Variants in NABP2 observed in about 807,000 individuals in gnomAD.
The protein encoded by NABP2 is nucleic acid binding protein 2.
In NABP2, 7 loss-of-function variants were observed where a neutral mutation model predicts 22.7. That is an observed-to-expected ratio of 0.31 (90% CI 0.18 to 0.58). The LOEUF is 0.58. Among genes scored for constraint, NABP2 ranks in the 20% least tolerant of loss-of-function variants. NABP2 has a pLI of 0.89. For missense variants in NABP2, 188 were observed against 265.9 expected (o/e 0.71, Z 2.04); for synonymous variants, 107 against 99.2 (o/e 1.08, Z -0.47).
rs1031854421 is a variant in NABP2 at position 56,224,426 on chromosome 12, C to G, written c.-39C>G. 6 of 1,027,098 alleles carry G rather than the reference C, an allele frequency of 5.8e-6. No homozygotes were observed. Among genetic ancestry groups the G allele is most frequent in the Non-Finnish European group, 7.1e-6 (6 of 850,504 alleles). 63.6% of individuals were successfully genotyped at this position (1,027,098 alleles called of 1,614,324 possible). On this transcript the variant is annotated 5_prime_UTR_variant, in exon 1 of 7. Transcript: ENST00000267023. ...GGGCTGCTCAGCGGCGTGCACAGTCCTGCCGGCTGGCTTGGGTGGGTGGTG... is the reference window on the plus strand; with the variant it reads ...GGGCTGCTCAGCGGCGTGCACAGTCGTGCCGGCTGGCTTGGGTGGGTGGTG...
chr12:56,229,087 T>TGGGGGGGC lies in NABP2; in HGVS notation c.510_511insGGGGGGGC (p.Pro171GlyfsTer65). The TGGGGGGGC allele has an allele frequency of 6.6e-7, 1 of 1,512,346 alleles. No homozygotes were observed. The highest frequency in any genetic ancestry group is 9.1e-7 in the Non-Finnish European group (1 of 1,102,014). 93.7% of individuals were successfully genotyped at this position (1,512,346 alleles called of 1,614,324 possible). On this transcript the variant is annotated frameshift_variant, in exon 7 of 7. Coordinates refer to ENST00000267023, the MANE Select transcript of NABP2 (RefSeq NM_024068.4). LOFTEE classifies it high-confidence loss of function. ...GTGGTGGCCCACATCCCCCTCATAC[T>TGGGGGGGC]CCCTCCCACCCACCCAGCACCCGAA...
chr12:56,225,780 C>T, intron 4 of NABP2, 85 bp downstream of exon 4: 1 of 1,337,972 alleles, frequency 7.5e-7, no homozygotes, highest in Non-Finnish European at 1.1e-6. Context: ...GCAGTCCAAG[C>T]CTCATTTCTG....
At position 56,226,210 on chromosome 12, in the gene NABP2, T is replaced by A; in HGVS notation, c.322T>A (p.Phe108Ile). 1.9e-6 allele frequency: 3 copies of A among 1,614,110 alleles called. No homozygotes were observed. The East Asian group carries it at 6.7e-5, about 36-fold the overall frequency. Residue 108 changes from phenylalanine to isoleucine, a missense_variant, in exon 5 of 7, where the codon TTC (phenylalanine) becomes ATC (isoleucine). Physicochemically the swap from Phe to Ile is conservative, Grantham distance 21. Coordinates refer to ENST00000267023, the MANE Select transcript of NABP2 (RefSeq NM_024068.4). ...TATGGTTTATTCTGAGGTTCCTAAC[T>A]TCAGTGAGCCAAACCCAGAGTACAG... is the stretch of plus-strand genomic sequence containing the variant. ...FCMVYSEVPN[F>I]SEPNPEYSTQ...
At position 56,224,580 on chromosome 12, in the gene NABP2, G is replaced by T. The variant is rs1014236592; in HGVS notation, c.-24+139G>T. 6.5e-6 allele frequency: 8 copies of T among 1,222,692 alleles called. No individual in the cohort carries two copies. The African/African-American group carries it at 1.2e-4, about 18-fold the overall frequency. 75.7% of individuals were successfully genotyped at this position (1,222,692 alleles called of 1,614,324 possible). A position where few individuals can be genotyped will look rare whatever the true frequency, so the allele number is the denominator to read the frequency against. On this transcript the variant is annotated intron_variant, in intron 1 of 6. Transcript: ENST00000267023. ...CCCTACCCCTGTCTACGTCGGCTCC[G>T]CCACTTCGCGGCTTGAGACTAAAAG...
In NABP2 at chr12:56,229,109, C is replaced by A. The variant is rs750823539; in HGVS notation, c.532C>A (p.Arg178=). ...PHTPSHPPST[R]ITRSQPNHTP... ...TACTCCCTCCCACCCACCCAGCACCCGAATCACTCGAAGCCAGCCCAACCA... is the reference window on the plus strand; with the variant it reads ...TACTCCCTCCCACCCACCCAGCACCAGAATCACTCGAAGCCAGCCCAACCA... Residue 178 remains arginine, a synonymous_variant, in exon 7 of 7, where the codon CGA becomes AGA. Transcript: ENST00000267023. 1.9e-6 allele frequency: 3 copies of A among 1,610,154 alleles called. No homozygotes were observed. The highest frequency in any genetic ancestry group is 1.4e-5 in the African/African-American group (1 of 74,004).
chr12:56,225,728 G>C, intron 4 of NABP2, 33 bp downstream of exon 4: 1 of 1,610,232 alleles, frequency 6.2e-7, no homozygotes, highest in Non-Finnish European at 8.5e-7. Flanking sequence ...GGATGAAGAA[G>C]CACCAGGGCA....
intron 6 of NABP2, among the ~76,000 whole-genome samples, chr12:56,227,595 A>T (rs1340393815): frequency 3.9e-5 from 6 of 152,214 alleles, no homozygotes; most frequent in Non-Finnish European, 8.8e-5. Context: ...GTTCAATGAC[A>T]GTGGTATGTC....
upstream of NABP2, chr12:56,224,217 C>A: frequency 3.4e-6 from 2 of 584,096 alleles, no homozygotes; most frequent in Non-Finnish European, 4.3e-6. Flanking sequence ...AAATTCGCCC[C>A]CTTCGCGGCG....
At chr12:56,226,549 C>T in intron 6 of NABP2, 130 bp downstream of exon 6, 1 of 690,762 alleles carries the variant, frequency 1.4e-6, no homozygotes, top group Non-Finnish European at 2.4e-6. Flanking sequence ...CCCAATTCTC[C>T]CAGACCCCTT....
intron 1 of NABP2, 111 bp downstream of exon 1, chr12:56,224,552 G>A (rs779276258): frequency 2.1e-5 from 26 of 1,209,538 alleles, no homozygotes; most frequent in Non-Finnish European, 2.0e-5. Context: ...TGTGCACCGG[G>A]TTCCCTACCC....
Position 56,229,087 on chromosome 12 carries a change from T to TGCCCAACC in NABP2, c.510_511insGCCCAACC (p.Pro171AlafsTer65). 6.6e-7 allele frequency: 1 copy of TGCCCAACC among 1,512,346 alleles called. No individual in the cohort carries two copies. The highest frequency in any genetic ancestry group is 9.1e-7 in the Non-Finnish European group (1 of 1,102,014). The allele number at this position is 1,512,346 out of a possible 1,614,324, so 93.7% of individuals were successfully genotyped here. A position where few individuals can be genotyped will look rare whatever the true frequency, so the allele number is the denominator to read the frequency against. ...GTGGTGGCCCACATCCCCCTCATAC[T>TGCCCAACC]CCCTCCCACCCACCCAGCACCCGAA... On this transcript the variant is annotated frameshift_variant, in exon 7 of 7. Coordinates refer to ENST00000267023, the MANE Select transcript of NABP2 (RefSeq NM_024068.4). LOFTEE classifies it high-confidence loss of function.
upstream of NABP2, among the ~76,000 whole-genome samples, chr12:56,222,715 C>T (rs1211084875): frequency 6.6e-6 from 1 of 152,186 alleles, no homozygotes; most frequent in Non-Finnish European, 1.5e-5. Context: ...CACATGACTT[C>T]CTAGACTAAT....
chr12:56,226,482 G>C, intron 6 of NABP2, 63 bp downstream of exon 6: 2 of 1,363,186 alleles, frequency 1.5e-6, no homozygotes, highest in Non-Finnish European at 1.0e-6. Flanking sequence ...AGCCTAGAAA[G>C]ATGCATTTCC....
At chr12:56,226,648 C>T (rs892591082) in intron 6 of NABP2, among the ~76,000 whole-genome samples, 1 of 143,714 alleles carries the variant, frequency 7.0e-6, no homozygotes, top group Non-Finnish European at 1.5e-5. Context: ...TCACTGCAAC[C>T]TCCGCCTCCC....
chr12:56,229,087 T>TTGGGCGCCC lies in NABP2; in HGVS notation c.510_511insTGGGCGCCC (p.Thr170_Pro171insTrpAlaPro). The TTGGGCGCCC allele has an allele frequency of 6.6e-7, 1 of 1,512,344 alleles. No individual in the cohort carries two copies. The highest frequency in any genetic ancestry group is 9.1e-7 in the Non-Finnish European group (1 of 1,102,012). 93.7% of individuals were successfully genotyped at this position (1,512,344 alleles called of 1,614,324 possible). On this transcript the variant is annotated inframe_insertion, in exon 7 of 7. Coordinates refer to ENST00000267023, the MANE Select transcript of NABP2 (RefSeq NM_024068.4). Reference sequence around the variant, plus strand: ...GTGGTGGCCCACATCCCCCTCATACTCCCTCCCACCCACCCAGCACCCGAA... The same window carrying TTGGGCGCCC: ...GTGGTGGCCCACATCCCCCTCATACTTGGGCGCCCCCCTCCCACCCACCCAGCACCCGAA...
upstream of NABP2, among the ~76,000 whole-genome samples, chr12:56,223,997 A>C (rs901348117): frequency 6.6e-6 from 1 of 152,202 alleles, no homozygotes; most frequent in African/African-American, 2.4e-5. Flanking sequence ...AAATGAAGTG[A>C]AGCATTGAGC....
At position 56,224,846 on chromosome 12, in the gene NABP2, G is replaced by A. The variant is rs1272124160; in HGVS notation, c.-11G>A. On this transcript the variant is annotated 5_prime_UTR_variant, in exon 2 of 7. Transcript: ENST00000267023. ...ATTCCCCATCCAGTGGGGTGCCGAG[G>A]CTCAGGCAGCATGACGACGGAGACC... is the stretch of plus-strand genomic sequence containing the variant. 2.5e-6 allele frequency: 4 copies of A among 1,613,404 alleles called. No homozygotes were observed. In the South Asian group the frequency reaches 4.4e-5, roughly 18 times the overall value.
chr12:56,229,087 T>TGCCCGCCCCCC lies in NABP2; in HGVS notation c.510_511insGCCCGCCCCCC (p.Pro171AlafsTer66). ...GTGGTGGCCCACATCCCCCTCATAC[T>TGCCCGCCCCCC]CCCTCCCACCCACCCAGCACCCGAA... On this transcript the variant is annotated frameshift_variant, in exon 7 of 7. Transcript: ENST00000267023. LOFTEE classifies it high-confidence loss of function. The TGCCCGCCCCCC allele has an allele frequency of 6.6e-7, 1 of 1,512,346 alleles. No individual in the cohort carries two copies. Among genetic ancestry groups the TGCCCGCCCCCC allele is most frequent in the Non-Finnish European group, 9.1e-7 (1 of 1,102,014 alleles). 93.7% of individuals were successfully genotyped at this position (1,512,346 alleles called of 1,614,324 possible).
intron 6 of NABP2, among the ~76,000 whole-genome samples, chr12:56,226,783 G>A (rs1211615979): frequency 2.9e-5 from 4 of 137,140 alleles, no homozygotes; most frequent in South Asian, 2.4e-4. Context: ...GAGTGCAATG[G>A]TGTGACCTCG....
Sources: gnomAD v4.1 joint callset for allele counts (sites outside exome capture counted in the v4.1 genomes callset) on GRCh38, gnomAD v4.1.1 for gene constraint, MANE v1.5 for transcripts, NCBI Gene and HGNC (gene_info 2026-07-23, HGNC 2026-07-21) for gene names.